Variants in EMX1 observed in about 807,000 individuals in gnomAD.
EMX1 encodes the protein homeobox protein EMX1.
Under a neutral mutation model 20.1 loss-of-function variants are expected in EMX1, and 10 were observed. The ratio of observed to expected loss-of-function variants is 0.50; its 90% CI spans 0.31 to 0.84. The LOEUF (loss-of-function observed/expected upper bound fraction) is 0.84. EMX1 is among the 40% of genes least tolerant of loss of function. EMX1 has a pLI of 0.05. For missense variants in EMX1, 424 were observed against 431.9 expected (o/e 0.98, Z 0.16); for synonymous variants, 250 against 200.4 (o/e 1.25, Z -2.09).
intron 1 of EMX1, among the ~76,000 whole-genome samples, chr2:72,920,155 G>T (rs1266147834): frequency 6.6e-6 from 1 of 152,156 alleles, no homozygotes; most frequent in Non-Finnish European, 1.5e-5. Flanking sequence ...CCTCCGCACC[G>T]CGGTTCCTGC....
At chr2:72,924,117 GA>G in intron 1 of EMX1, 191 bp from the exon 2 acceptor site, 2 of 674,766 alleles carry the variant, frequency 3.0e-6, no homozygotes, top group East Asian at 2.7e-5. Flanking sequence ...AGGTGTTGCG[GA>G]GGGGAGTGGA....
At chr2:72,929,557 T>G (rs1181351494) in intron 2 of EMX1, among the ~76,000 whole-genome samples, 1 of 152,174 alleles carries the variant, frequency 6.6e-6, no homozygotes, top group African/African-American at 2.4e-5. Context: ...ACTTGACTGA[T>G]ATCTCCAGGC....
At position 72,918,367 on chromosome 2, in the gene EMX1, TC is replaced by T; in HGVS notation, c.517del (p.Gln173ArgfsTer64). The T allele has an allele frequency of 6.9e-7, 1 of 1,443,238 alleles. No homozygotes were observed. Among genetic ancestry groups the T allele is most frequent in the Non-Finnish European group, 9.1e-7 (1 of 1,103,832 alleles). The allele number at this position is 1,443,238 out of a possible 1,614,324, so 89.4% of individuals were successfully genotyped here. A position where few individuals can be genotyped will look rare whatever the true frequency, so the allele number is the denominator to read the frequency against. On this transcript the variant is annotated frameshift_variant, in exon 1 of 3. Coordinates refer to ENST00000258106, the MANE Select transcript of EMX1 (RefSeq NM_004097.3). LOFTEE classifies it high-confidence loss of function. ...CGGAACCGCTTCTTCGGCCACCGCT[TC>T]CAGGGTGAGTGTCCACGCTGTGCCC... ...VLRNRFFGHR[F>X]QASDVPQDGL...
chr2:72,931,570 A>G (rs1333324728), intron 2 of EMX1, among the ~76,000 whole-genome samples: 1 of 151,994 alleles, frequency 6.6e-6, no homozygotes, highest in African/African-American at 2.4e-5. Flanking sequence ...GCTGCTGCCA[A>G]ATGGTTGTGC....
chr2:72,917,929 G>C lies in EMX1; in HGVS notation c.77G>C (p.Arg26Pro). Residue 26 changes from arginine (R) to proline (P), a missense_variant, in exon 1 of 3, where the codon CGC (arginine) becomes CCC (proline). Around this residue, in one of 2 missense-constraint regions of EMX1, gnomAD observed 333 missense variants for 296.6 expected, o/e 1.12. Coordinates refer to ENST00000258106, the MANE Select transcript of EMX1 (RefSeq NM_004097.3). The part of the protein sequence containing the change: ...RGALPRARLP[R>P]TAPAAATMFQ... ...GCGCTCCCCAGAGCCCGGCTGCCTC[G>C]CACAGCTCCCGCGGCTGCGACCATG... 1 of 1,485,216 alleles carries C rather than the reference G, an allele frequency of 6.7e-7. No individual in the cohort carries two copies. The highest frequency in any genetic ancestry group is 8.9e-7 in the Non-Finnish European group (1 of 1,125,510). 92.0% of individuals were successfully genotyped at this position (1,485,216 alleles called of 1,614,324 possible).
At position 72,918,126 on chromosome 2, in the gene EMX1, G is replaced by A. The variant is rs1671021838; in HGVS notation, c.274G>A (p.Glu92Lys). Reference sequence around the variant, plus strand: ...CAACTACCCTCACCCCAGCGCGGCCGAGGCGGCCTTCGTGAGTGGCTTCCC... The same window carrying A: ...CAACTACCCTCACCCCAGCGCGGCCAAGGCGGCCTTCGTGAGTGGCTTCCC... ...ALNYPHPSAA[E>K]AAFVSGFPAA... The change falls in exon 1 of 3, where the codon GAG becomes AAG. Residue 92 changes from glutamate to lysine, a missense_variant. Glu to Lys is a moderately conservative substitution (Grantham distance 56). This residue lies in a region of EMX1 where 333 missense variants were observed against 296.6 expected (regional missense o/e 1.12). Transcript: ENST00000258106. The A allele has an allele frequency of 4.7e-6, 7 of 1,485,426 alleles. No individual in the cohort carries two copies. In the South Asian group the frequency reaches 5.1e-5, roughly 11 times the overall value. The allele number at this position is 1,485,426 out of a possible 1,614,324, so 92.0% of individuals were successfully genotyped here.
At chr2:72,921,810 AG>A (rs1222804787) in intron 1 of EMX1, among the ~76,000 whole-genome samples, 5 of 152,166 alleles carry the variant, frequency 3.3e-5, no homozygotes, top group Non-Finnish European at 5.9e-5. Context: ...GTAGACCCAA[AG>A]CAACCTAGCA....
At chr2:72,925,359 G>A (rs1038589451) in intron 2 of EMX1, 2 of 1,197,634 alleles carry the variant, frequency 1.7e-6, no homozygotes, top group African/African-American at 3.2e-5. Context: ...ATAGGGAGGT[G>A]GATTTGGGTT....
At position 72,918,200 on chromosome 2, in the gene EMX1, G is replaced by T. The variant is rs772267652; in HGVS notation, c.348G>T (p.Glu116Asp). The T allele has an allele frequency of 1.3e-6, 2 of 1,559,642 alleles. No homozygotes were observed. The highest frequency in any genetic ancestry group is 1.7e-6 in the Non-Finnish European group (2 of 1,165,298). Residue 116 changes from glutamate to aspartate, a missense_variant, in exon 1 of 3, where the codon GAG (glutamate) becomes GAT (aspartate). Around this residue, in one of 2 missense-constraint regions of EMX1, gnomAD observed 333 missense variants for 296.6 expected, o/e 1.12. Transcript: ENST00000258106. ...GAGRSLYGGP[E>D]LVFPEAMNHP... is the part of the protein sequence containing the mutation. ...GCCGCTCGCTCTACGGTGGGCCCGA[G>T]CTCGTGTTCCCCGAGGCCATGAACC...
intron 2 of EMX1, 123 bp from the exon 3 acceptor site, chr2:72,933,664 C>G: frequency 7.4e-7 from 1 of 1,357,376 alleles, no homozygotes. Context: ...GCCTGGGGCC[C>G]CTAACCCTAT....
At chr2:72,924,563 G>C (rs1257622247) in intron 2 of EMX1, 70 bp downstream of exon 2, 2 of 1,456,982 alleles carry the variant, frequency 1.4e-6, no homozygotes, top group East Asian at 2.5e-5. Flanking sequence ...GCGGGTGCAG[G>C]AGAGGCCCTG....
chr2:72,925,761 G>A (rs1671190815), intron 2 of EMX1: 2 of 985,264 alleles, frequency 2.0e-6, no homozygotes, highest in Non-Finnish European at 2.4e-6. Context: ...AGCTTTCTTC[G>A]GCGGACCTTA....
At chr2:72,917,516 G>A (rs1385664644), upstream of EMX1, 1 of 186,782 alleles carries the variant, frequency 5.4e-6, no homozygotes. Context: ...GCAGGTGCCC[G>A]CTAACTCGCG....
chr2:72,934,254 T>G lies in EMX1; in HGVS notation c.*300T>G. ...CAATCTCCCTTTTGTTTTGATGCAT[T>G]TCTGTTTTAATTTATTTTCCAGGCA... On this transcript the variant is annotated 3_prime_UTR_variant, in exon 3 of 3. Transcript: ENST00000258106. 2.7e-6 allele frequency: 1 copy of G among 371,574 alleles called. No homozygotes were observed. Among genetic ancestry groups the G allele is most frequent in the Middle Eastern group, 7.6e-4 (1 of 1,318 alleles). 23.0% of individuals were successfully genotyped at this position (371,574 alleles called of 1,614,324 possible). A position where few individuals can be genotyped will look rare whatever the true frequency, so the allele number is the denominator to read the frequency against.
intron 2 of EMX1, chr2:72,925,949 G>A: frequency 1.0e-6 from 1 of 985,348 alleles, no homozygotes; most frequent in African/African-American, 1.7e-5. Flanking sequence ...TTTTAAAAAC[G>A]TTTCAAAGAA....
chr2:72,917,151 G>A (rs1467753864), upstream of EMX1: 1 of 612,874 alleles, frequency 1.6e-6, no homozygotes, highest in Non-Finnish European at 3.0e-6. Flanking sequence ...TCCACCCTCC[G>A]CTCGGATCCA....
chr2:72,925,441 C>A (rs1671181008), intron 2 of EMX1: 1 of 1,287,578 alleles, frequency 7.8e-7, no homozygotes, highest in Non-Finnish European at 1.0e-6. Context: ...CCACCCAGGT[C>A]CGACGTGTTG....
rs888451811 is a variant in EMX1 at position 72,917,811 on chromosome 2, G to T, written c.-42G>T. ...TGGCTCGCCCGCGGGGGCCGAGCGCGAGCGGGCGGGCGGGGGAGGTGAGGG... is the reference window on the plus strand; with the variant it reads ...TGGCTCGCCCGCGGGGGCCGAGCGCTAGCGGGCGGGCGGGGGAGGTGAGGG... On this transcript the variant is annotated 5_prime_UTR_variant, in exon 1 of 3. Coordinates refer to ENST00000258106, the MANE Select transcript of EMX1 (RefSeq NM_004097.3). 4.7e-6 allele frequency: 6 copies of T among 1,274,560 alleles called. No homozygotes were observed. Among genetic ancestry groups the T allele is most frequent in the Non-Finnish European group, 4.9e-6 (5 of 1,013,680 alleles). The allele number at this position is 1,274,560 out of a possible 1,614,324, so 79.0% of individuals were successfully genotyped here.
chr2:72,926,818 T>C (rs956165435), intron 2 of EMX1, among the ~76,000 whole-genome samples: 1 of 152,232 alleles, frequency 6.6e-6, no homozygotes, highest in Admixed American at 6.5e-5. Flanking sequence ...TCCTCCCTTA[T>C]GCAGTTTCCG....
Sources: allele counts gnomAD v4.1 joint callset (sites outside exome capture counted in the v4.1 genomes callset), GRCh38; gene constraint gnomAD v4.1.1; regional missense constraint gnomAD v4.1.1; transcripts MANE v1.5; gene names NCBI Gene and HGNC (gene_info 2026-07-23, HGNC 2026-07-21).